Variants in GBF1 observed in about 807,000 individuals in gnomAD.
The protein encoded by GBF1 is golgi brefeldin A resistant guanine nucleotide exchange factor 1.
Under a neutral mutation model 210.5 loss-of-function variants are expected in GBF1, and 114 were observed. The observed-to-expected ratio is 0.54, with a 90% confidence interval of 0.47 to 0.63. The LOEUF is 0.63. Ranked by LOEUF, GBF1 falls within the 30% of genes least tolerant of loss-of-function variation. The pLI, the probability that GBF1 is intolerant of heterozygous loss-of-function variation, is 0.00. For synonymous variants in GBF1, 850 were observed against 889.2 expected, an observed-to-expected ratio of 0.96 and a Z score of 0.78; for missense variants, 1,851 against 2,357.7, an observed-to-expected ratio of 0.79 and a Z score of 4.45.
At chr10:102,291,447 G>A (rs1159244054) in intron 3 of GBF1, among the ~76,000 whole-genome samples, 1 of 152,120 alleles carries the variant, frequency 6.6e-6, no homozygotes, top group East Asian at 1.9e-4. Context: ...GTTTAGCTTT[G>A]TACTTTGAAA....
At position 102,370,971 on chromosome 10, in the gene GBF1, G is replaced by A. The variant is rs1219450473; in HGVS notation, c.3660+111G>A. The stretch of plus-strand genomic sequence containing the variant: ...GAGTACATTTAGTGCCCCATAGCAT[G>A]AGTCCAGTGACCAACCACAGGGCTG... On this transcript the variant is annotated intron_variant, in intron 29 of 39. Coordinates refer to ENST00000369983, the MANE Select transcript of GBF1 (RefSeq NM_001377137.1). The A allele has an allele frequency of 3.8e-6, 4 of 1,047,948 alleles. No homozygotes were observed. In the East Asian group the frequency reaches 1.0e-4, roughly 27 times the overall value. 64.9% of individuals were successfully genotyped at this position (1,047,948 alleles called of 1,614,324 possible).
In GBF1 at chr10:102,377,226, G is replaced by A. The variant is rs1306638812; in HGVS notation, c.4494+86G>A. On this transcript the variant is annotated intron_variant, in intron 33 of 39. Transcript: ENST00000369983. ...GGCCAGGGAAAGCCAGGGCTGAGGG[G>A]AAGGGCCCATGTGTGCCAGCCCAGG... 2.8e-6 allele frequency: 3 copies of A among 1,079,708 alleles called. No homozygotes were observed. In the African/African-American group the frequency reaches 4.6e-5, roughly 17 times the overall value. The allele number at this position is 1,079,708 out of a possible 1,614,324, so 66.9% of individuals were successfully genotyped here. A position where few individuals can be genotyped will look rare whatever the true frequency, so the allele number is the denominator to read the frequency against.
chr10:102,260,153 T>TA (rs1424149227), intron 3 of GBF1, 37 bp downstream of exon 3: 1 of 1,050,866 alleles, frequency 9.5e-7, no homozygotes. Context: ...CTAATCTTGG[T>TA]AAAAAATATG....
chr10:102,343,981 CAAG>C, intron 3 of GBF1, 67 bp from the exon 4 acceptor site: 2 of 1,356,846 alleles, frequency 1.5e-6, no homozygotes, highest in Non-Finnish European at 2.1e-6. Flanking sequence ...ATGGCACAAA[CAAG>C]AAACTTTTTC....
chr10:102,335,083 G>A (rs1379427235), intron 3 of GBF1, among the ~76,000 whole-genome samples: 3 of 151,998 alleles, frequency 2.0e-5, no homozygotes, highest in African/African-American at 7.2e-5. Flanking sequence ...GCTTTGGGTT[G>A]AAGTGACTCA....
chr10:102,368,709 CTG>C (rs758403312), intron 22 of GBF1, 28 bp from the exon 23 acceptor site: 19 of 1,520,234 alleles, frequency 1.2e-5, no homozygotes, highest in Admixed American at 1.7e-5. Context: ...TCCAGTGACT[CTG>C]TTTCTGGGAT....
At chr10:102,346,638 G>A (rs753416118) in intron 4 of GBF1, among the ~76,000 whole-genome samples, 2 of 152,072 alleles carry the variant, frequency 1.3e-5, no homozygotes, top group Non-Finnish European at 2.9e-5. Context: ...CTCCCAAGTA[G>A]CTGGGACTAT....
In GBF1 at chr10:102,351,956, G is replaced by T; in HGVS notation, c.523+5G>T. The T allele has an allele frequency of 2.0e-6, 3 of 1,482,670 alleles. No homozygotes were observed. Among genetic ancestry groups the T allele is most frequent in the Non-Finnish European group, 2.8e-6 (3 of 1,059,984 alleles). The allele number at this position is 1,482,670 out of a possible 1,614,324, so 91.8% of individuals were successfully genotyped here. A position where few individuals can be genotyped will look rare whatever the true frequency, so the allele number is the denominator to read the frequency against. ...GCTTTGAAATGAGGCTCAGTGGTAG[G>T]TGCTTGGATATTAGCCCCTTCACCA... is the stretch of plus-strand genomic sequence containing the variant. On this transcript the variant is annotated splice_donor_5th_base_variant and intron_variant, in intron 6 of 39. Coordinates refer to ENST00000369983, the MANE Select transcript of GBF1 (RefSeq NM_001377137.1).
chr10:102,346,830 G>A (rs1021776525), intron 4 of GBF1, among the ~76,000 whole-genome samples: 4 of 152,142 alleles, frequency 2.6e-5, no homozygotes, highest in Admixed American at 2.6e-4. Context: ...ATTTCCTGGA[G>A]GCTGAACATT....
intron 28 of GBF1, 35 bp downstream of exon 28, chr10:102,370,513 C>A (rs1589809779): frequency 2.0e-6 from 3 of 1,528,566 alleles, no homozygotes; most frequent in Non-Finnish European, 2.7e-6. Context: ...AGACCCCATG[C>A]TGGGCTTGTG....
intron 35 of GBF1, 69 bp downstream of exon 35, chr10:102,379,720 A>T: frequency 6.4e-7 from 1 of 1,567,458 alleles, no homozygotes; most frequent in Middle Eastern, 1.7e-4. Flanking sequence ...CAGCCTGAAG[A>T]GCCCCTAATG....
intron 11 of GBF1, 84 bp from the exon 12 acceptor site, chr10:102,360,100 C>T: frequency 1.2e-6 from 1 of 841,740 alleles, no homozygotes; most frequent in Non-Finnish European, 2.1e-6. Context: ...CCTAAAATTG[C>T]CTTGTGTAAT....
chr10:102,322,083 C>T (rs1451882203), intron 3 of GBF1, among the ~76,000 whole-genome samples: 3 of 152,204 alleles, frequency 2.0e-5, no homozygotes, highest in Non-Finnish European at 4.4e-5. Flanking sequence ...TGGTCTTGAA[C>T]TCCTGGGCTT....
the GBF1 span, chr10:102,230,975 C>T: frequency 6.2e-7 from 1 of 1,606,784 alleles, no homozygotes; most frequent in African/African-American, 1.3e-5. Flanking sequence ...TACGAGTAGC[C>T]GGGGTACACC....
chr10:102,274,229 C>T (rs1417079715), intron 3 of GBF1, among the ~76,000 whole-genome samples: 1 of 152,102 alleles, frequency 6.6e-6, no homozygotes, highest in Non-Finnish European at 1.5e-5. Context: ...CCAGTTTCCA[C>T]ACGTGACCTC....
upstream of GBF1, chr10:102,241,528 C>G (rs554900665): frequency 6.6e-6 from 1 of 152,498 alleles, no homozygotes; most frequent in Non-Finnish European, 1.5e-5. The surrounding 1 kb of genome is among the most constrained non-coding windows in gnomAD (Gnocchi z 6.7). Flanking sequence ...CAGCCGGCGC[C>G]CATTCACTTT....
At chr10:102,371,175 T>C (rs1001680632) in intron 29 of GBF1, among the ~76,000 whole-genome samples, 5 of 152,208 alleles carry the variant, frequency 3.3e-5, no homozygotes, top group Admixed American at 6.5e-5. Context: ...GAGATCTCTT[T>C]GCTTAACTAC....
chr10:102,306,780 G>A (rs953003509), intron 3 of GBF1, among the ~76,000 whole-genome samples: 9 of 152,168 alleles, frequency 5.9e-5, no homozygotes, highest in Admixed American at 2.0e-4. Context: ...ATTATTATTA[G>A]CTTATATTAT....
In GBF1 at chr10:102,351,300, GATGC is replaced by G; in HGVS notation, c.341_344del (p.Asp114ValfsTer19). 1 of 1,611,606 alleles carries G rather than the reference GATGC, an allele frequency of 6.2e-7. No individual in the cohort carries two copies. The highest frequency in any genetic ancestry group is 8.5e-7 in the Non-Finnish European group (1 of 1,177,690). ...AGCAGAGGGCATGGAGAACATGGCAGATGCTGTCACCCATGCTCGTTTTGTGGGC... is the reference window on the plus strand; with the variant it reads ...AGCAGAGGGCATGGAGAACATGGCAGTGTCACCCATGCTCGTTTTGTGGGC... On this transcript the variant is annotated frameshift_variant, in exon 5 of 40. Coordinates refer to ENST00000369983, the MANE Select transcript of GBF1 (RefSeq NM_001377137.1). LOFTEE classifies it high-confidence loss of function.
Sources: allele counts gnomAD v4.1 joint callset (sites outside exome capture counted in the v4.1 genomes callset), GRCh38; gene constraint gnomAD v4.1.1; non-coding constraint Gnocchi (gnomAD v3.1); transcripts MANE v1.5; gene names NCBI Gene and HGNC (gene_info 2026-07-23, HGNC 2026-07-21).